DNAH17: variants seen among roughly 807,000 people sequenced by gnomAD.
DNAH17 encodes the protein axonemal beta dynein heavy chain 17.
A neutral mutation model predicts 485.6 loss-of-function variants in DNAH17; 376 were observed. That is an observed-to-expected ratio of 0.77 (90% CI 0.71 to 0.84). The LOEUF (loss-of-function observed/expected upper bound fraction) is 0.84. Among genes scored for constraint, DNAH17 ranks in the 40% least tolerant of loss-of-function variants. The pLI is 0.00. For synonymous variants in DNAH17, 3,031 were observed against 2,405.9 expected (o/e 1.26, Z -7.60); for missense variants, 6,370 against 5,839.3 (o/e 1.09, Z -2.96).
At chr17:78,502,731 T>C in intron 32 of DNAH17, 33 bp from the exon 33 acceptor site, 1 of 1,603,036 alleles carries the variant, frequency 6.2e-7, no homozygotes. Flanking sequence ...GCCCACGCAG[T>C]GAGCGATCGC....
Position 78,572,817 on chromosome 17 carries a change from C to A in DNAH17, c.423G>T (p.Gln141His). The A allele has an allele frequency of 5.0e-6, 8 of 1,613,962 alleles. No individual in the cohort carries two copies. The highest frequency in any genetic ancestry group is 6.8e-6 in the Non-Finnish European group (8 of 1,179,878). The change falls in exon 3 of 81, where the codon CAG (glutamine) becomes CAT (histidine). Residue 141 changes from glutamine (Q) to histidine (H), a missense_variant. Coordinates refer to ENST00000389840, the MANE Select transcript of DNAH17 (RefSeq NM_173628.4). ...ACATTTCATTCTTCAGCCTGTGGAC[C>A]TGCTTCACGATGTCTTCCGAGACCA... The part of the protein sequence containing the change: ...PQVVSEDIVK[Q>H]VHRLKNEMFV...
At position 78,466,914 on chromosome 17, in the gene DNAH17, C is replaced by G. The variant is rs547896753; in HGVS notation, c.8779-98G>C. 12 of 1,349,338 alleles carry G rather than the reference C, an allele frequency of 8.9e-6. No homozygotes were observed. The Admixed American group carries it at 1.1e-4, about 13-fold the overall frequency. The allele number at this position is 1,349,338 out of a possible 1,614,324, so 83.6% of individuals were successfully genotyped here. ...AAGCTCTGCCAGAAAGCAACGCGCC[C>G]TGCCGGGCTCAGCCGCCCAGGGCCT... is the stretch of plus-strand genomic sequence containing the variant. On this transcript the variant is annotated intron_variant, in intron 55 of 80. Transcript: ENST00000389840.
Position 78,460,197 on chromosome 17 carries a change from G to T in DNAH17, c.9400C>A (p.Leu3134Met). ...TDLAKAEPALLAAQEALDTLN... is the reference protein window; with the variant it reads ...TDLAKAEPALMAAQEALDTLN... ...GTGTCCAGAGCCTCCTGGGCTGCCAGCAGGGCCGGTTCTGCTTTGGCCAGG... is the reference window on the plus strand; with the variant it reads ...GTGTCCAGAGCCTCCTGGGCTGCCATCAGGGCCGGTTCTGCTTTGGCCAGG... The change falls in exon 59 of 81, where the codon CTG becomes ATG. Residue 3134 changes from leucine to methionine, a missense_variant. Coordinates refer to ENST00000389840, the MANE Select transcript of DNAH17 (RefSeq NM_173628.4). The T allele has an allele frequency of 6.2e-7, 1 of 1,609,304 alleles. No individual in the cohort carries two copies. Among genetic ancestry groups the T allele is most frequent in the Non-Finnish European group, 8.5e-7 (1 of 1,177,590 alleles).
intron 80 of DNAH17, 137 bp downstream of exon 80, chr17:78,425,208 GC>G: frequency 1.3e-6 from 1 of 795,982 alleles, no homozygotes; most frequent in Non-Finnish European, 2.0e-6. Context: ...GCAGGCTGAT[GC>G]CCCCTGAGAG....
chr17:78,539,828 T>C lies in DNAH17; in HGVS notation c.2585A>G (p.Tyr862Cys). 2.5e-6 allele frequency: 4 copies of C among 1,611,784 alleles called. No individual in the cohort carries two copies. Among genetic ancestry groups the C allele is most frequent in the Non-Finnish European group, 3.4e-6 (4 of 1,179,544 alleles). Reference protein sequence around the residue: ...ADTLSLPWKDYVIYIDDMVLD... With the variant: ...ADTLSLPWKDCVIYIDDMVLD... ...GACCATGTCGTCAATGTAGATGACA[T>C]AATCCTTCCAGGGCAGGCTCAGTGT... The change falls in exon 18 of 81, where the codon TAT becomes TGT. Residue 862 changes from tyrosine to cysteine, a missense_variant. Transcript: ENST00000389840.
At chr17:78,541,833 A>C (rs773412873) in intron 17 of DNAH17, among the ~76,000 whole-genome samples, 16 of 152,180 alleles carry the variant, frequency 1.1e-4, no homozygotes, top group Non-Finnish European at 2.4e-4. Context: ...TTAACAAGCT[A>C]ATCAGTTAAC....
rs780712329 is a variant in DNAH17, at chr17:78,454,522, T to C, written c.10354A>G (p.Ile3452Val). 4 of 1,613,396 alleles carry C rather than the reference T, an allele frequency of 2.5e-6. No homozygotes were observed. Among genetic ancestry groups the C allele is most frequent in the South Asian group, 1.1e-5 (1 of 91,038 alleles). Reference sequence around the variant, plus strand: ...AGTTCACTCCTGTATTTGTTTTTGATCCACTTGATTCCTTGGAGCTGGGCG... The same window carrying C: ...AGTTCACTCCTGTATTTGTTTTTGACCCACTTGATTCCTTGGAGCTGGGCG... ...VDAQLQGIKWIKNKYRSELKA... is the reference protein window; with the variant it reads ...VDAQLQGIKWVKNKYRSELKA... Residue 3452 changes from isoleucine to valine, a missense_variant, in exon 64 of 81, where the codon ATC (isoleucine) becomes GTC (valine). Physicochemically the swap from Ile to Val is conservative, Grantham distance 29 (BLOSUM62 3). Coordinates refer to ENST00000389840, the MANE Select transcript of DNAH17 (RefSeq NM_173628.4).
rs747651763 is a variant in DNAH17, at chr17:78,485,656, C to T, written c.7377G>A (p.Thr2459=). The T allele has an allele frequency of 8.7e-6, 14 of 1,613,884 alleles. No homozygotes were observed. Among genetic ancestry groups the T allele is most frequent in the South Asian group, 3.3e-5 (3 of 91,088 alleles). The change falls in exon 47 of 81, where the codon ACG becomes ACA. Residue 2459 remains threonine (T), a synonymous_variant. Coordinates refer to ENST00000389840, the MANE Select transcript of DNAH17 (RefSeq NM_173628.4). ...WPVMLVGNAG[T]GKSVLMGDKL... ...TGTCCCCCATCAGCACCGACTTGCCCGTCCCCGCGTTCCCCACCAGCATCA... is the reference window on the plus strand; with the variant it reads ...TGTCCCCCATCAGCACCGACTTGCCTGTCCCCGCGTTCCCCACCAGCATCA...
At chr17:78,443,110 G>A (rs1270283563) in intron 71 of DNAH17, among the ~76,000 whole-genome samples, 2 of 152,194 alleles carry the variant, frequency 1.3e-5, no homozygotes, top group Non-Finnish European at 1.5e-5. Flanking sequence ...CTTCCGCAGT[G>A]GGTGGCTGTT....
rs1183258304 is a variant in DNAH17, at chr17:78,450,672, C to G, written c.10899+10G>C. 2 of 1,608,994 alleles carry G rather than the reference C, an allele frequency of 1.2e-6. No homozygotes were observed. The highest frequency in any genetic ancestry group is 1.7e-6 in the Non-Finnish European group (2 of 1,177,484). On this transcript the variant is annotated intron_variant, in intron 67 of 80. Coordinates refer to ENST00000389840, the MANE Select transcript of DNAH17 (RefSeq NM_173628.4). ...TGGCTGCCAGGGCACGTCACCGAGG[C>G]AGCTCTGACCTTCTCCTCGATCTCG... is the stretch of plus-strand genomic sequence containing the variant.
At chr17:78,558,690 C>T (rs1241957167) in intron 13 of DNAH17, among the ~76,000 whole-genome samples, 1 of 152,214 alleles carries the variant, frequency 6.6e-6, no homozygotes, top group Non-Finnish European at 1.5e-5. Context: ...CTGTCCTCTC[C>T]TACCTACTAC....
chr17:78,564,367 T>G (rs371616763), intron 11 of DNAH17, among the ~76,000 whole-genome samples: 1 of 142,332 alleles, frequency 7.0e-6, no homozygotes, highest in African/African-American at 3.1e-5. Flanking sequence ...AGTTACTTAA[T>G]TTTTCAGATT....
At chr17:78,481,787 G>C (rs146738372) in intron 48 of DNAH17, among the ~76,000 whole-genome samples, 3 of 152,128 alleles carry the variant, frequency 2.0e-5, no homozygotes, top group Non-Finnish European at 4.4e-5. Flanking sequence ...GGCTGAGATG[G>C]GCAGATCACT....
At chr17:78,569,642 A>G in intron 7 of DNAH17, 115 bp from the exon 8 acceptor site, 1 of 1,302,642 alleles carries the variant, frequency 7.7e-7, no homozygotes, top group Non-Finnish European at 1.0e-6. Flanking sequence ...TCTGAAAATA[A>G]CCCCTCCTAT....
intron 42 of DNAH17, 22 bp downstream of exon 42, chr17:78,492,611 G>C: frequency 6.2e-7 from 1 of 1,612,910 alleles, no homozygotes; most frequent in South Asian, 1.1e-5. Context: ...CCTGCAGCCT[G>C]TCCCGGGACC....
chr17:78,562,811 ATG>A (rs751685166), intron 11 of DNAH17, among the ~76,000 whole-genome samples: 16 of 152,232 alleles, frequency 1.1e-4, no homozygotes, highest in Admixed American at 5.2e-4. Context: ...CCATCAGGAA[ATG>A]TGTTTCGCTC....
At chr17:78,559,695 G>C (rs1230420272) in intron 13 of DNAH17, among the ~76,000 whole-genome samples, 1 of 152,170 alleles carries the variant, frequency 6.6e-6, no homozygotes, top group Admixed American at 6.5e-5. Flanking sequence ...GCACACCTCT[G>C]TCTGACACCC....
At chr17:78,467,683 T>C (rs1598503751) in intron 55 of DNAH17, among the ~76,000 whole-genome samples, 1 of 151,988 alleles carries the variant, frequency 6.6e-6, no homozygotes, top group Non-Finnish European at 1.5e-5. Context: ...ACGGGGCCAA[T>C]AGGTCCAAGG....
chr17:78,515,443 G>A (rs2090755341), intron 25 of DNAH17, among the ~76,000 whole-genome samples: 1 of 152,156 alleles, frequency 6.6e-6, no homozygotes, highest in Non-Finnish European at 1.5e-5. Context: ...TGGGAGACAA[G>A]GGCTGCAGTG....
Sources: allele counts gnomAD v4.1 joint callset (sites outside exome capture counted in the v4.1 genomes callset), GRCh38; gene constraint gnomAD v4.1.1; transcripts MANE v1.5; gene names NCBI Gene and HGNC (gene_info 2026-07-23, HGNC 2026-07-21).